Variants in AGTPBP1 observed in about 807,000 individuals in gnomAD.
AGTPBP1 encodes cytosolic carboxypeptidase 1.
Under a neutral mutation model 143.9 loss-of-function variants are expected in AGTPBP1, and 70 were observed. The ratio of observed to expected loss-of-function variants is 0.49; its 90% CI spans 0.40 to 0.59. The LOEUF (loss-of-function observed/expected upper bound fraction) is 0.59, where lower values mean the gene tolerates loss of function less well. Among genes scored for constraint, AGTPBP1 ranks in the 20% least tolerant of loss-of-function variants. The pLI, the probability that AGTPBP1 is intolerant of heterozygous loss-of-function variation, is 0.00. For missense variants in AGTPBP1, 1,229 were observed against 1,464.5 expected, an observed-to-expected ratio of 0.84 and a Z score of 2.62; for synonymous variants, 463 against 500.2, an observed-to-expected ratio of 0.93 and a Z score of 0.99.
intron 25 of AGTPBP1, among the ~76,000 whole-genome samples, chr9:85,565,715 C>A (rs1416379638): frequency 1.3e-5 from 2 of 152,154 alleles, no homozygotes. Flanking sequence ...ATTCCATATT[C>A]ATCATTATGA....
chr9:85,719,248 A>G (rs145046819), intron 1 of AGTPBP1, among the ~76,000 whole-genome samples: 4,842 of 152,286 alleles, frequency 0.032, 102 homozygotes, highest in African/African-American at 0.053. Flanking sequence ...TCTATAAATT[A>G]CCTTGGGCAG....
At chr9:85,746,175 T>G (rs1164802105), upstream of AGTPBP1, among the ~76,000 whole-genome samples, 4 of 152,060 alleles carry the variant, frequency 2.6e-5, no homozygotes, top group African/African-American at 9.7e-5. Context: ...GTGAGCCCCA[T>G]ATAAATCAGA....
chr9:85,635,775 A>T (rs1330871003), intron 13 of AGTPBP1, among the ~76,000 whole-genome samples: 1 of 152,004 alleles, frequency 6.6e-6, no homozygotes, highest in African/African-American at 2.4e-5. Context: ...AAAAAGATGA[A>T]ACTCCAGTAC....
intron 24 of AGTPBP1, among the ~76,000 whole-genome samples, chr9:85,575,772 C>T (rs1481412232): frequency 1.3e-5 from 2 of 152,124 alleles, no homozygotes; most frequent in Non-Finnish European, 2.9e-5. Context: ...TGTGACGTTA[C>T]TTGTAGAATT....
intron 23 of AGTPBP1, among the ~76,000 whole-genome samples, chr9:85,582,180 T>A (rs955909787): frequency 6.6e-6 from 1 of 152,176 alleles, no homozygotes; most frequent in Non-Finnish European, 1.5e-5. Context: ...AACAAAAAAA[T>A]TAGAATTGAT....
In AGTPBP1 at chr9:85,694,189, A is replaced by C. The variant is rs75890898; in HGVS notation, c.33-1376T>G. Among the ~76,000 whole-genome samples the C allele has an allele frequency of 3.3e-5, 5 of 152,296 alleles. No homozygotes were observed. In the South Asian group the frequency reaches 1.0e-3, roughly 32 times the overall value. ...CATGTTCTCACTTTTAACGGGCTCT[A>C]TTTGGCTGGTACATTGAGATTCAAA... On this transcript the variant is annotated intron_variant, in intron 2 of 25. Transcript: ENST00000357081.
intron 8 of AGTPBP1, among the ~76,000 whole-genome samples, chr9:85,662,980 A>G (rs879278978): frequency 6.6e-6 from 1 of 152,152 alleles, no homozygotes; most frequent in Non-Finnish European, 1.5e-5. Context: ...GATGGGCCCT[A>G]CAATTGCCCC....
chr9:85,795,435 C>A, the AGTPBP1 span, among the ~76,000 whole-genome samples: 2 of 152,176 alleles, frequency 1.3e-5, no homozygotes, highest in Admixed American at 6.5e-5. Context: ...ACCACAGATC[C>A]ATCCACCAAA....
intron 25 of AGTPBP1, among the ~76,000 whole-genome samples, chr9:85,564,412 T>C (rs1826945206): frequency 6.6e-6 from 1 of 152,170 alleles, no homozygotes; most frequent in African/African-American, 2.4e-5. Context: ...TAAAGGAAAA[T>C]TTGCCTCAGG....
At chr9:85,797,623 G>C in the AGTPBP1 span, among the ~76,000 whole-genome samples, 1 of 152,066 alleles carries the variant, frequency 6.6e-6, no homozygotes, top group African/African-American at 2.4e-5. Flanking sequence ...CCTTCACCTA[G>C]GGCAGGGGTG....
At chr9:85,706,943 TA>T (rs1210601255) in intron 2 of AGTPBP1, among the ~76,000 whole-genome samples, 9 of 148,614 alleles carry the variant, frequency 6.1e-5, no homozygotes, top group Non-Finnish European at 6.0e-5. Flanking sequence ...CTATATATTT[TA>T]AAAAAAAAAG....
At chr9:85,780,982 T>G in the AGTPBP1 span, among the ~76,000 whole-genome samples, 1 of 152,132 alleles carries the variant, frequency 6.6e-6, no homozygotes, top group Non-Finnish European at 1.5e-5. Flanking sequence ...CCGGGCGTGG[T>G]GCTGGGCACC....
intron 13 of AGTPBP1, among the ~76,000 whole-genome samples, chr9:85,640,146 A>C (rs754871547): frequency 6.6e-6 from 1 of 152,256 alleles, no homozygotes; most frequent in Admixed American, 6.5e-5. Flanking sequence ...AGATAGCTGA[A>C]GAAAATTCTT....
the AGTPBP1 span, among the ~76,000 whole-genome samples, chr9:85,779,236 G>GAT: frequency 3.0e-3 from 258 of 84,962 alleles, no homozygotes; most frequent in African/African-American, 9.3e-3. Flanking sequence ...TATAGATATA[G>GAT]ATATAGATAT....
At chr9:85,700,232 G>T (rs140066201) in intron 2 of AGTPBP1, among the ~76,000 whole-genome samples, 1 of 152,114 alleles carries the variant, frequency 6.6e-6, no homozygotes, top group Non-Finnish European at 1.5e-5. Context: ...CTACCAAAAC[G>T]AACAACTCCA....
At chr9:85,680,678 C>T (rs960060916) in intron 4 of AGTPBP1, among the ~76,000 whole-genome samples, 9 of 151,954 alleles carry the variant, frequency 5.9e-5, no homozygotes, top group African/African-American at 2.2e-4. Flanking sequence ...GGAGAAATGA[C>T]ATCTTTATGA....
At chr9:85,683,834 T>G (rs772227519) in intron 3 of AGTPBP1, among the ~76,000 whole-genome samples, 3 of 152,166 alleles carry the variant, frequency 2.0e-5, no homozygotes, top group Non-Finnish European at 2.9e-5. Flanking sequence ...TATATAAACC[T>G]CACTGTCACC....
intron 17 of AGTPBP1, among the ~76,000 whole-genome samples, chr9:85,597,073 T>A (rs986573618): frequency 2.6e-5 from 4 of 152,142 alleles, no homozygotes; most frequent in Admixed American, 6.5e-5. Flanking sequence ...GGCTGACAAT[T>A]TTTATTGAGA....
intron 21 of AGTPBP1, among the ~76,000 whole-genome samples, chr9:85,587,227 A>G (rs1380417927): frequency 2.0e-5 from 3 of 152,230 alleles, no homozygotes; most frequent in Non-Finnish European, 1.5e-5. Context: ...TTTTCAAAGT[A>G]TAGAAAAAAT....
Sources: gnomAD v4.1 joint callset for allele counts (sites outside exome capture counted in the v4.1 genomes callset) on GRCh38, gnomAD v4.1.1 for gene constraint, MANE v1.5 for transcripts, NCBI Gene and HGNC (gene_info 2026-07-23, HGNC 2026-07-21) for gene names.